Variants in ARHGAP42 observed in about 807,000 individuals in gnomAD.
The protein encoded by ARHGAP42 is rho GTPase-activating protein 42.
In ARHGAP42, 63 loss-of-function variants were observed where a neutral mutation model predicts 125.0. That is an observed-to-expected ratio of 0.50 (90% CI 0.41 to 0.62). ARHGAP42 has a LOEUF of 0.62. Among genes scored for constraint, ARHGAP42 ranks in the 20% least tolerant of loss-of-function variants. The pLI is 0.00. For synonymous variants in ARHGAP42, 339 were observed against 351.0 expected (o/e 0.97, Z 0.38); for missense variants, 766 against 1,024.2 (o/e 0.75, Z 3.44).
At chr11:100,921,050 CGGCCCCTGCTTTTTTTATATTTTTG>C (rs1193181732) in intron 5 of ARHGAP42, among the ~76,000 whole-genome samples, 2 of 151,272 alleles carry the variant, frequency 1.3e-5, no homozygotes, top group Non-Finnish European at 2.9e-5. Context: ...TTCAGGAAAA[CGGCCCCTGCTTTTTTTATATTTTTG>C]GCAATGCAGT....
intron 1 of ARHGAP42, among the ~76,000 whole-genome samples, chr11:100,760,064 C>T (rs916930245): frequency 6.6e-6 from 1 of 152,194 alleles, no homozygotes; most frequent in African/African-American, 2.4e-5. Flanking sequence ...TAACCACATG[C>T]ACCATCCTTA....
At chr11:100,756,235 A>T (rs921882118) in intron 1 of ARHGAP42, among the ~76,000 whole-genome samples, 16 of 149,922 alleles carry the variant, frequency 1.1e-4, no homozygotes, top group Admixed American at 6.0e-4. Flanking sequence ...AAAAAAAAAA[A>T]AAAAAAAAAA....
chr11:100,855,103 A>T (rs765130009), intron 3 of ARHGAP42, among the ~76,000 whole-genome samples: 12 of 152,144 alleles, frequency 7.9e-5, no homozygotes, highest in Non-Finnish European at 1.6e-4. Context: ...TGTTGTAAAT[A>T]GTGTAGCGTA....
At chr11:100,949,278 A>C (rs1868109136) in intron 11 of ARHGAP42, among the ~76,000 whole-genome samples, 1 of 152,130 alleles carries the variant, frequency 6.6e-6, no homozygotes, top group Non-Finnish European at 1.5e-5. Context: ...ACCAGTCCAC[A>C]GTAAGATCAG....
chr11:100,917,353 T>G lies in ARHGAP42; in HGVS notation c.486+3800T>G, dbSNP rs942265710. ...TTTCTGTCCCTGAAACCTCTTCTAC[T>G]TTCACATTGTTTATAACATCTGGAT... On this transcript the variant is annotated intron_variant, in intron 5 of 23. Transcript: ENST00000298815. Among the ~76,000 whole-genome samples the G allele has an allele frequency of 2.0e-5, 3 of 152,104 alleles. No individual in the cohort carries two copies. In the East Asian group the frequency reaches 5.8e-4, roughly 29 times the overall value.
At position 100,788,489 on chromosome 11, in the gene ARHGAP42, G is replaced by C. The variant is rs559028121; in HGVS notation, c.251-6616G>C. 7.2e-5 allele frequency among the ~76,000 whole-genome samples: 11 copies of C among 152,294 alleles called. No individual in the cohort carries two copies. In the East Asian group the frequency reaches 2.1e-3, roughly 29 times the overall value. ...CATGCCAGTATTCGTCAGTAGGGCT[G>C]TGACTTTTTTTTCTGTTGATTTATT... is the stretch of plus-strand genomic sequence containing the variant. On this transcript the variant is annotated intron_variant, in intron 2 of 23. Transcript: ENST00000298815.
At chr11:100,692,409 AT>A (rs1449008438) in intron 1 of ARHGAP42, among the ~76,000 whole-genome samples, 1 of 152,232 alleles carries the variant, frequency 6.6e-6, no homozygotes, top group Non-Finnish European at 1.5e-5. Flanking sequence ...CATTTAGTTA[AT>A]CTAATGGATG....
intron 1 of ARHGAP42, among the ~76,000 whole-genome samples, chr11:100,734,932 C>CA (rs34931029): frequency 0.073 from 11,183 of 152,174 alleles, 561 homozygotes; most frequent in African/African-American, 0.15. Flanking sequence ...AGTTGGTTTA[C>CA]ACTGATAACA....
chr11:100,803,580 T>A (rs1863916769), intron 3 of ARHGAP42, among the ~76,000 whole-genome samples: 2 of 152,172 alleles, frequency 1.3e-5, no homozygotes, highest in African/African-American at 4.8e-5. Context: ...TTTCTTCACT[T>A]GCATGTAGTA....
At chr11:100,747,575 T>C (rs997222466) in intron 1 of ARHGAP42, among the ~76,000 whole-genome samples, 4 of 152,236 alleles carry the variant, frequency 2.6e-5, no homozygotes, top group Non-Finnish European at 5.9e-5. Flanking sequence ...CTTTACCCAA[T>C]GTGTTTACAC....
At chr11:100,974,279 G>A (rs1010265551) in intron 18 of ARHGAP42, among the ~76,000 whole-genome samples, 180 bp from the exon 19 acceptor site, 3 of 152,112 alleles carry the variant, frequency 2.0e-5, no homozygotes, top group Admixed American at 2.0e-4. Flanking sequence ...TTGGGAAATG[G>A]GAGAGAATAA....
chr11:100,731,783 G>T (rs1861963025), intron 1 of ARHGAP42, among the ~76,000 whole-genome samples: 1 of 152,112 alleles, frequency 6.6e-6, no homozygotes, highest in African/African-American at 2.4e-5. Flanking sequence ...CCTGCTTCCA[G>T]TTAATGACTA....
chr11:100,992,822 G>A lies in ARHGAP42; in HGVS notation c.*4021G>A, dbSNP rs1179647074. On this transcript the variant is annotated 3_prime_UTR_variant, in exon 24 of 24. Coordinates refer to ENST00000298815, the MANE Select transcript of ARHGAP42 (RefSeq NM_152432.4). Reference sequence around the variant, plus strand: ...TGACAACATTCACAGTAAGCCATTGGCAGAAAATTGATCTGCATGTCCTAG... The same window carrying A: ...TGACAACATTCACAGTAAGCCATTGACAGAAAATTGATCTGCATGTCCTAG... 3 of 1,164,316 alleles carry A rather than the reference G, an allele frequency of 2.6e-6. No individual in the cohort carries two copies. Among genetic ancestry groups the A allele is most frequent in the Non-Finnish European group, 3.6e-6 (3 of 827,390 alleles). 72.1% of individuals were successfully genotyped at this position (1,164,316 alleles called of 1,614,324 possible).
intron 2 of ARHGAP42, among the ~76,000 whole-genome samples, chr11:100,779,714 G>C (rs1203376000): frequency 6.6e-6 from 1 of 151,172 alleles, no homozygotes; most frequent in Non-Finnish European, 1.5e-5. Context: ...ATTTTTACAT[G>C]TACTTTAGAA....
At chr11:100,919,942 C>G (rs1382504801) in intron 5 of ARHGAP42, among the ~76,000 whole-genome samples, 2 of 152,172 alleles carry the variant, frequency 1.3e-5, no homozygotes, top group African/African-American at 4.8e-5. Context: ...GCAAATCAGG[C>G]TTTTCTCCCA....
rs11435155 is a variant in ARHGAP42 at position 100,979,701 on chromosome 11, AT to A, written c.2456+664del. On this transcript the variant is annotated intron_variant, in intron 22 of 23. Coordinates refer to ENST00000298815, the MANE Select transcript of ARHGAP42 (RefSeq NM_152432.4). ...TTCATAAAGTCAGAGGCTTTTCATTATTTTTTTTTTTTACTATCAGCTGCTA... is the reference window on the plus strand; with the variant it reads ...TTCATAAAGTCAGAGGCTTTTCATTATTTTTTTTTTTACTATCAGCTGCTA... Among the ~76,000 whole-genome samples, 1,228 of 148,694 alleles carry A rather than the reference AT, an allele frequency of 8.3e-3. 22 individuals are homozygous for A. The highest frequency in any genetic ancestry group is 0.027 in the African/African-American group (1,090 of 40,750).
At chr11:100,715,184 T>C (rs1052555334) in intron 1 of ARHGAP42, among the ~76,000 whole-genome samples, 1 of 152,110 alleles carries the variant, frequency 6.6e-6, no homozygotes, top group African/African-American at 2.4e-5. Flanking sequence ...TCCTTAAATA[T>C]GTAGGGCTGG....
At chr11:100,732,603 G>A (rs1179630604) in intron 1 of ARHGAP42, among the ~76,000 whole-genome samples, 1 of 152,086 alleles carries the variant, frequency 6.6e-6, no homozygotes, top group Non-Finnish European at 1.5e-5. Flanking sequence ...TTATTCTAAA[G>A]CACAACACAG....
At chr11:100,710,931 C>G (rs925585540) in intron 1 of ARHGAP42, among the ~76,000 whole-genome samples, 1 of 152,190 alleles carries the variant, frequency 6.6e-6, no homozygotes, top group Admixed American at 6.5e-5. Context: ...TGGTGCCACA[C>G]CCCCTCAGAT....
Sources: allele counts gnomAD v4.1 joint callset (sites outside exome capture counted in the v4.1 genomes callset), GRCh38; gene constraint gnomAD v4.1.1; transcripts MANE v1.5; gene names NCBI Gene and HGNC (gene_info 2026-07-23, HGNC 2026-07-21).